Variants in KIAA0586 observed in about 807,000 individuals in gnomAD.
KIAA0586 encodes KIAA0586.
In KIAA0586, 144 loss-of-function variants were observed where a neutral mutation model predicts 169.8. The ratio of observed to expected loss-of-function variants is 0.85; its 90% CI spans 0.74 to 0.97. The LOEUF (loss-of-function observed/expected upper bound fraction) is 0.97. Among genes scored for constraint, KIAA0586 ranks in the 50% least tolerant of loss-of-function variants. The pLI, the probability that KIAA0586 is intolerant of heterozygous loss-of-function variation, is 0.00. For synonymous variants in KIAA0586, 625 were observed against 612.4 expected (o/e 1.02, Z -0.30); for missense variants, 1,854 against 1,823.0 (o/e 1.02, Z -0.31).
At chr14:58,460,908 C>A in intron 13 of KIAA0586, 78 bp from the exon 14 acceptor site, 1 of 1,051,218 alleles carries the variant, frequency 9.5e-7, no homozygotes, top group East Asian at 2.8e-5. Flanking sequence ...CTTAAGCTAG[C>A]AAAAGGAGGC....
chr14:58,503,913 G>A (rs1221437533), intron 27 of KIAA0586, among the ~76,000 whole-genome samples: 1 of 152,082 alleles, frequency 6.6e-6, no homozygotes, highest in East Asian at 1.9e-4. Flanking sequence ...CAGAAACCAG[G>A]TCATGAAAAG....
intron 14 of KIAA0586, chr14:58,464,272 T>C (rs917202498): frequency 4.2e-6 from 1 of 239,072 alleles, no homozygotes; most frequent in African/African-American, 2.4e-5. Flanking sequence ...ACAGGTTTTA[T>C]ATTATAAAGT....
At chr14:58,507,018 C>G (rs1330220439) in intron 27 of KIAA0586, among the ~76,000 whole-genome samples, 2 of 151,536 alleles carry the variant, frequency 1.3e-5, no homozygotes, top group East Asian at 3.9e-4. Flanking sequence ...TGTGGTAGCG[C>G]ACACCTGTAG....
intron 19 of KIAA0586, among the ~76,000 whole-genome samples, chr14:58,476,075 G>A (rs2041597314): frequency 6.6e-6 from 1 of 152,170 alleles, no homozygotes; most frequent in Admixed American, 6.6e-5. Context: ...TCCAGACTGG[G>A]CGAAAGAGTG....
chr14:58,552,915 A>T (rs899390862), downstream of KIAA0586, among the ~76,000 whole-genome samples: 1 of 152,210 alleles, frequency 6.6e-6, no homozygotes, highest in Non-Finnish European at 1.5e-5. Flanking sequence ...TTTCCTGAAC[A>T]TGGACATTTT....
At chr14:58,488,152 ATG>A (rs2042601014) in intron 23 of KIAA0586, 43 bp downstream of exon 23, 4 of 1,403,960 alleles carry the variant, frequency 2.8e-6, no homozygotes, top group Middle Eastern at 1.8e-4. Flanking sequence ...ATTTCAACTT[ATG>A]TTTGACTTAT....
At chr14:58,501,252 G>C (rs1052464880) in intron 27 of KIAA0586, among the ~76,000 whole-genome samples, 4 of 152,178 alleles carry the variant, frequency 2.6e-5, no homozygotes, top group Admixed American at 1.3e-4. Flanking sequence ...TTTCCCATGT[G>C]AATAAATGTA....
At chr14:58,521,368 A>C (rs2045212974) in intron 29 of KIAA0586, 1 of 974,400 alleles carries the variant, frequency 1.0e-6, no homozygotes, top group Admixed American at 1.8e-5. Context: ...TGCTCTGTTC[A>C]TAAGGGCTTT....
intron 16 of KIAA0586, among the ~76,000 whole-genome samples, chr14:58,469,610 C>A (rs2041043919): frequency 6.6e-6 from 1 of 152,082 alleles, no homozygotes. Context: ...GCAAAGAATC[C>A]TGAATTAAAA....
intron 13 of KIAA0586, 64 bp downstream of exon 13, chr14:58,460,134 GATAAATA>G (rs1452248861): frequency 5.2e-6 from 5 of 952,806 alleles, no homozygotes; most frequent in Non-Finnish European, 6.1e-6. Flanking sequence ...TCCTTTAAGA[GATAAATA>G]ATGAAGCGAA....
At position 58,467,925 on chromosome 14, in the gene KIAA0586, A is replaced by G. The variant is rs1425437343; in HGVS notation, c.2442+3A>G. 4.4e-6 allele frequency: 7 copies of G among 1,594,120 alleles called. No homozygotes were observed. Among genetic ancestry groups the G allele is most frequent in the African/African-American group, 1.4e-5 (1 of 73,750 alleles). Reference sequence around the variant, plus strand: ...ATCCTCCTCAGCTTACTGTGCAGGTATGCCAGGGTGCATGAGTAGAAAATT... The same window carrying G: ...ATCCTCCTCAGCTTACTGTGCAGGTGTGCCAGGGTGCATGAGTAGAAAATT... On this transcript the variant is annotated splice_donor_region_variant and intron_variant, in intron 16 of 30. Transcript: ENST00000652326.
In KIAA0586 at chr14:58,442,936, C is replaced by CTAAGTTCTTAG. The variant is rs1244907980; in HGVS notation, c.585+60_585+61insTTCTTAGTAAG. The CTAAGTTCTTAG allele has an allele frequency of 1.2e-5, 15 of 1,235,030 alleles. No individual in the cohort carries two copies. The African/African-American group carries it at 2.1e-4, about 17-fold the overall frequency. The allele number at this position is 1,235,030 out of a possible 1,614,324, so 76.5% of individuals were successfully genotyped here. On this transcript the variant is annotated intron_variant, in intron 5 of 30. Coordinates refer to ENST00000652326, the MANE Select transcript of KIAA0586 (RefSeq NM_001329943.3). ...ACTTTGTGAAATATAGAAGTACTTA[C>CTAAGTTCTTAG]TAAGAACTGATTCTATAAATGGTTG...
At chr14:58,449,821 T>A (rs2039205024) in intron 7 of KIAA0586, among the ~76,000 whole-genome samples, 1 of 152,232 alleles carries the variant, frequency 6.6e-6, no homozygotes, top group South Asian at 2.1e-4. Flanking sequence ...AGGTGTCTAT[T>A]TTGTTGATTG....
intron 20 of KIAA0586, among the ~76,000 whole-genome samples, chr14:58,479,207 CTA>C (rs1402550572): frequency 6.6e-6 from 1 of 152,206 alleles, no homozygotes; most frequent in African/African-American, 2.4e-5. Flanking sequence ...GTTTATAATT[CTA>C]GCCATTTCTG....
At chr14:58,470,843 A>G (rs2041158484) in intron 17 of KIAA0586, 120 bp downstream of exon 17, 1 of 580,132 alleles carries the variant, frequency 1.7e-6, no homozygotes, top group African/African-American at 1.9e-5. Flanking sequence ...ATTTTGAAGA[A>G]AAGATTGAAA....
chr14:58,543,905 G>T (rs986133144), intron 30 of KIAA0586: 1 of 455,366 alleles, frequency 2.2e-6, no homozygotes, highest in Non-Finnish European at 4.4e-6. Flanking sequence ...ATGTGAAGAA[G>T]GTTTCCTGTA....
intron 4 of KIAA0586, among the ~76,000 whole-genome samples, chr14:58,437,371 G>A (rs1399065817): frequency 1.3e-5 from 2 of 152,140 alleles, no homozygotes; most frequent in African/African-American, 2.4e-5. Context: ...AGGGTTTGAG[G>A]TTCCTGTGAG....
the KIAA0586 span, among the ~76,000 whole-genome samples, chr14:58,561,157 C>A: frequency 4.6e-5 from 7 of 152,192 alleles, no homozygotes; most frequent in East Asian, 1.3e-3. Flanking sequence ...ACTTTCACTG[C>A]ATGATTATTG....
chr14:58,521,226 G>A, intron 29 of KIAA0586: 2 of 1,005,268 alleles, frequency 2.0e-6, no homozygotes, highest in Non-Finnish European at 3.0e-6. Flanking sequence ...CAACACAGTG[G>A]CCAGCAACGT....
Sources: allele counts gnomAD v4.1 joint callset (sites outside exome capture counted in the v4.1 genomes callset), GRCh38; gene constraint gnomAD v4.1.1; transcripts MANE v1.5; gene names NCBI Gene and HGNC (gene_info 2026-07-23, HGNC 2026-07-21).